The following ARMH4 variants were observed in gnomAD, a reference collection of about 807,000 sequenced individuals.
The protein encoded by ARMH4 is armadillo like helical domain containing 4.
ARMH4 carries 49 observed loss-of-function variants against 61.9 expected under a neutral mutation model. The observed-to-expected ratio is 0.79, with a 90% confidence interval of 0.63 to 1.00. The LOEUF (loss-of-function observed/expected upper bound fraction) is 1.00, where lower values mean the gene tolerates loss of function less well. Ranked by LOEUF, ARMH4 falls within the 50% of genes least tolerant of loss-of-function variation. ARMH4 has a pLI of 0.00. For synonymous variants in ARMH4, 368 were observed against 341.5 expected, an observed-to-expected ratio of 1.08 and a Z score of -0.85; for missense variants, 934 against 930.0, an observed-to-expected ratio of 1.00 and a Z score of -0.06.
Position 58,138,743 on chromosome 14 carries a change from G to A in ARMH4, c.616C>T (p.Pro206Ser), listed in dbSNP as rs1359867848. The change falls in exon 2 of 8, where the codon CCT becomes TCT. Residue 206 changes from proline to serine, a missense_variant. By Grantham distance (74) the Pro-to-Ser change is moderately conservative. Transcript: ENST00000267485. ...TCCTTAGTATTCACATAGGATGAAG[G>A]TGAATGTCCCAAACCAACTCCTTCC... ...SQEGVGLGHSPSSYVNTKEML... is the reference protein window; with the variant it reads ...SQEGVGLGHSSSSYVNTKEML... The A allele has an allele frequency of 1.2e-6, 2 of 1,614,054 alleles. No homozygotes were observed. The highest frequency in any genetic ancestry group is 1.6e-4 in the Middle Eastern group (1 of 6,084).
At chr14:58,128,043 C>A (rs1886960951) in intron 4 of ARMH4, among the ~76,000 whole-genome samples, 1 of 152,206 alleles carries the variant, frequency 6.6e-6, no homozygotes, top group Non-Finnish European at 1.5e-5. Flanking sequence ...ATTATTACCA[C>A]TTCAGAGCAC....
intron 4 of ARMH4, among the ~76,000 whole-genome samples, chr14:58,123,013 C>G (rs1214634582): frequency 6.6e-6 from 1 of 152,186 alleles, no homozygotes; most frequent in African/African-American, 2.4e-5. Context: ...CCTTCTCGGT[C>G]TTACTCTCCT....
chr14:58,119,145 C>T (rs779860979), intron 4 of ARMH4, among the ~76,000 whole-genome samples: 1 of 152,146 alleles, frequency 6.6e-6, no homozygotes, highest in Admixed American at 6.5e-5. Context: ...GTAATGCTTC[C>T]AAGTGTGATA....
chr14:58,122,770 T>C (rs2141308332), intron 4 of ARMH4, among the ~76,000 whole-genome samples: 1 of 152,226 alleles, frequency 6.6e-6, no homozygotes, highest in Non-Finnish European at 1.5e-5. Context: ...ATTGTCCAAA[T>C]AGAAGTAAGC....
chr14:58,103,130 T>C (rs8021395), intron 4 of ARMH4, among the ~76,000 whole-genome samples: 10,867 of 116,808 alleles, frequency 0.093, 525 homozygotes, highest in Middle Eastern at 0.19. Context: ...CAAAACTCCA[T>C]CTCGAAAAAA....
intron 4 of ARMH4, among the ~76,000 whole-genome samples, chr14:58,102,672 G>GT (rs1886032544): frequency 6.6e-6 from 1 of 150,804 alleles, no homozygotes; most frequent in Admixed American, 6.6e-5. Context: ...TTAGCCGGGC[G>GT]CGGTGGCGGG....
intron 4 of ARMH4, among the ~76,000 whole-genome samples, chr14:58,109,536 C>T (rs979939844): frequency 3.8e-4 from 58 of 152,232 alleles, no homozygotes; most frequent in African/African-American, 1.3e-3. Flanking sequence ...ATAGTAAGAG[C>T]TTTATAAGTC....
chr14:58,133,283 C>T lies in ARMH4; in HGVS notation c.1428G>A (p.Met476Ile). 1.2e-6 allele frequency: 2 copies of T among 1,613,946 alleles called. No homozygotes were observed. The highest frequency in any genetic ancestry group is 1.7e-6 in the Non-Finnish European group (2 of 1,180,008). ...GGGTAGCAACCTGCTCTTGTGTCAC[C>T]ATGGATAAAGTGGCATCTGGCTCTT... Reference protein sequence around the residue: ...AVQEPDATLSMVTQEQVATLE... With the variant: ...AVQEPDATLSIVTQEQVATLE... The change falls in exon 3 of 8, where the codon ATG (methionine) becomes ATA (isoleucine). Residue 476 changes from methionine (M) to isoleucine (I), a missense_variant. By Grantham distance (10) the Met-to-Ile change is conservative. Coordinates refer to ENST00000267485, the MANE Select transcript of ARMH4 (RefSeq NM_001001872.4).
intron 5 of ARMH4, among the ~76,000 whole-genome samples, chr14:58,075,110 T>A (rs988661303): frequency 6.6e-6 from 1 of 152,152 alleles, no homozygotes; most frequent in African/African-American, 2.4e-5. Context: ...AAACAACAGA[T>A]GTTGGAGAGG....
At chr14:58,037,100 C>T (rs1367227943) in intron 5 of ARMH4, among the ~76,000 whole-genome samples, 1 of 41,342 alleles carries the variant, frequency 2.4e-5, no homozygotes, top group Non-Finnish European at 5.1e-5. Context: ...CAAGTCAATC[C>T]TAAGCCAAAA....
Position 58,005,121 on chromosome 14 carries a change from A to G in ARMH4, c.2183T>C (p.Ile728Thr), listed in dbSNP as rs777361485. Residue 728 changes from isoleucine to threonine, a missense_variant, in exon 7 of 8, where the codon ATC becomes ACC. Transcript: ENST00000267485. ...VGVGIAGALF[I>T]LGALYSIKVM... ...CTTAATGCTGTAGAGGGCTCCCAAGATGAACAAGGCTCCAGCTATCCCAAC... is the reference window on the plus strand; with the variant it reads ...CTTAATGCTGTAGAGGGCTCCCAAGGTGAACAAGGCTCCAGCTATCCCAAC... The G allele has an allele frequency of 3.1e-6, 5 of 1,613,916 alleles. No individual in the cohort carries two copies. The highest frequency in any genetic ancestry group is 4.2e-6 in the Non-Finnish European group (5 of 1,179,962).
At chr14:58,133,413 T>A in intron 2 of ARMH4, 72 bp from the exon 3 acceptor site, 10 of 1,385,064 alleles carry the variant, frequency 7.2e-6, no homozygotes, top group African/African-American at 1.5e-5. Flanking sequence ...CATGATATGA[T>A]TAAAAACTTG....
chr14:58,062,933 G>T lies in ARMH4; in HGVS notation c.2089+33791C>A, dbSNP rs376763275. On this transcript the variant is annotated intron_variant, in intron 5 of 7. Coordinates refer to ENST00000267485, the MANE Select transcript of ARMH4 (RefSeq NM_001001872.4). ...AAGTAAAGAGCAGTCACTCAAGGGG[G>T]TATACTAGCTCCCTGGCACTGCTGT... Among the ~76,000 whole-genome samples the T allele has an allele frequency of 3.9e-5, 6 of 152,306 alleles. No homozygotes were observed. The South Asian group carries it at 8.3e-4, about 21-fold the overall frequency.
chr14:58,120,854 C>T (rs550143791), intron 4 of ARMH4, among the ~76,000 whole-genome samples: 8 of 152,254 alleles, frequency 5.3e-5, no homozygotes, highest in Admixed American at 2.6e-4. Context: ...CCACAAAGGA[C>T]GCTTTGCAGG....
At chr14:58,014,370 T>C (rs572934488) in intron 5 of ARMH4, among the ~76,000 whole-genome samples, 2 of 152,074 alleles carry the variant, frequency 1.3e-5, no homozygotes, top group Non-Finnish European at 2.9e-5. Context: ...CAGGGGTTAG[T>C]GATTCTAGGA....
In ARMH4 at chr14:58,133,177, G is replaced by A; in HGVS notation, c.1534C>T (p.Gln512Ter). 3 of 1,614,158 alleles carry A rather than the reference G, an allele frequency of 1.9e-6. No individual in the cohort carries two copies. The highest frequency in any genetic ancestry group is 2.2e-5 in the South Asian group (2 of 91,082). Residue 512 changes from glutamine to a stop codon, truncating the protein, a stop_gained, in exon 3 of 8, where the codon CAG becomes TAG. Transcript: ENST00000267485. LOFTEE classifies it high-confidence loss of function. ...SPVSDVPGVTQLSRRWEPLAT... is the reference protein window; with the variant it reads ...SPVSDVPGVT ...AGAGGCTCCCATCTTCTTGACAGCTGAGTAACACCAGGAACGTCAGACACA... is the reference window on the plus strand; with the variant it reads ...AGAGGCTCCCATCTTCTTGACAGCTAAGTAACACCAGGAACGTCAGACACA...
intron 5 of ARMH4, among the ~76,000 whole-genome samples, chr14:58,073,569 A>T (rs1201703921): frequency 1.3e-5 from 2 of 152,228 alleles, no homozygotes; most frequent in African/African-American, 4.8e-5. Flanking sequence ...TCACTTAATC[A>T]GAAAGGATGG....
intron 1 of ARMH4, 84 bp downstream of exon 1, chr14:58,151,991 A>T (rs941257595): frequency 1.3e-5 from 2 of 152,280 alleles, no homozygotes; most frequent in African/African-American, 2.4e-5. Flanking sequence ...ACCCCACGCC[A>T]CTGAGGCTCC....
chr14:58,139,279 G>A lies in ARMH4; in HGVS notation c.80C>T (p.Ala27Val). The change falls in exon 2 of 8, where the codon GCC becomes GTC. Residue 27 changes from alanine (A) to valine (V), a missense_variant. Ala to Val is a moderately conservative substitution (Grantham distance 64). Transcript: ENST00000267485. ...LLFSVATQCL[A>V]FPKIERRREI... ...CCTCCTCCTTTCTATTTTGGGGAAGGCCAGACATTGTGTGGCAACGCTGAA... is the reference window on the plus strand; with the variant it reads ...CCTCCTCCTTTCTATTTTGGGGAAGACCAGACATTGTGTGGCAACGCTGAA... The A allele has an allele frequency of 6.2e-7, 1 of 1,614,154 alleles. No individual in the cohort carries two copies. Among genetic ancestry groups the A allele is most frequent in the Non-Finnish European group, 8.5e-7 (1 of 1,180,024 alleles).
Sources: gnomAD v4.1 joint callset for allele counts (sites outside exome capture counted in the v4.1 genomes callset) on GRCh38, gnomAD v4.1.1 for gene constraint, MANE v1.5 for transcripts, NCBI Gene and HGNC (gene_info 2026-07-23, HGNC 2026-07-21) for gene names.